ZNF787: variants seen among roughly 807,000 people sequenced by gnomAD.
The protein encoded by ZNF787 is TTF-I-interacting peptide 20.
In ZNF787, 7 loss-of-function variants were observed where a neutral mutation model predicts 16.9. The ratio of observed to expected loss-of-function variants is 0.42; its 90% CI spans 0.24 to 0.78. The LOEUF is 0.78. Among genes scored for constraint, ZNF787 ranks in the 30% least tolerant of loss-of-function variants. The probability of loss-of-function intolerance (pLI) is 0.30; values close to 1 mark genes in which losing one functional copy is unlikely to be tolerated. For synonymous variants in ZNF787, 345 were observed against 270.9 expected, an observed-to-expected ratio of 1.27 and a Z score of -2.69; for missense variants, 551 against 589.3, an observed-to-expected ratio of 0.94 and a Z score of 0.67.
intron 2 of ZNF787, among the ~76,000 whole-genome samples, chr19:56,097,696 G>A (rs905944633): frequency 6.6e-6 from 1 of 152,228 alleles, no homozygotes; most frequent in Non-Finnish European, 1.5e-5. Context: ...CAGGCACGGC[G>A]CGAGGGATCA....
chr19:56,097,585 C>T (rs967857314), intron 2 of ZNF787, among the ~76,000 whole-genome samples: 6 of 152,224 alleles, frequency 3.9e-5, no homozygotes, highest in African/African-American at 7.2e-5. Flanking sequence ...AGGAAACACC[C>T]GCACGTGCTG....
chr19:56,107,008 TGAG>T (rs779970257), intron 1 of ZNF787, among the ~76,000 whole-genome samples: 42 of 152,318 alleles, frequency 2.8e-4, no homozygotes, highest in Non-Finnish European at 5.3e-4. Flanking sequence ...CCTGAGAGTC[TGAG>T]GAGAACTCGG....
rs541711378 is a variant in ZNF787, at chr19:56,088,161, C to T, written c.1011G>A (p.Lys337=). 644 of 1,553,640 alleles carry T rather than the reference C, an allele frequency of 4.1e-4. No individual in the cohort carries two copies. The highest frequency in any genetic ancestry group is 4.3e-4 in the Non-Finnish European group (497 of 1,155,140). The stretch of plus-strand genomic sequence containing the variant: ...CCGAGGGCGCGCCCACCGCGTGGAT[C>T]TTCTTGTGTCTCCGGAGCGCGGCGC... ...VQGAALRRHK[K]IHAVGAPSVC... Residue 337 remains lysine (K), a synonymous_variant, in exon 3 of 3, where the codon AAG becomes AAA. Coordinates refer to ENST00000610935, the MANE Select transcript of ZNF787 (RefSeq NM_001002836.4). The surrounding 1 kb of genome is among the most constrained non-coding windows in gnomAD (Gnocchi z 8.6).
intron 1 of ZNF787, among the ~76,000 whole-genome samples, chr19:56,114,249 T>C (rs770605065): frequency 4.6e-5 from 7 of 152,040 alleles, no homozygotes; most frequent in Non-Finnish European, 8.8e-5. Context: ...GGCTCAGTCC[T>C]GGCCAGGCCC....
intron 2 of ZNF787, among the ~76,000 whole-genome samples, chr19:56,097,528 C>T (rs1985916235): frequency 1.3e-5 from 2 of 152,356 alleles, no homozygotes; most frequent in South Asian, 2.1e-4. Context: ...GGATGGACTG[C>T]GTGGACGGCG....
intron 2 of ZNF787, among the ~76,000 whole-genome samples, chr19:56,099,879 G>A (rs528402372): frequency 4.6e-5 from 7 of 152,056 alleles, no homozygotes; most frequent in South Asian, 4.2e-4. Context: ...CTGGACAGGC[G>A]GCGGATTCTC....
intron 2 of ZNF787, among the ~76,000 whole-genome samples, chr19:56,090,942 A>G (rs1175206858): frequency 6.6e-6 from 1 of 152,226 alleles, no homozygotes; most frequent in Admixed American, 6.5e-5. Context: ...CTCCAGTGTG[A>G]GAATCACTAT....
At chr19:56,110,440 T>C (rs2029948431) in intron 1 of ZNF787, among the ~76,000 whole-genome samples, 1 of 151,862 alleles carries the variant, frequency 6.6e-6, no homozygotes, top group Non-Finnish European at 1.5e-5. Context: ...GTAAACAAAC[T>C]TTTAAAAATT....
rs1426451963 is a variant in ZNF787 at position 56,103,119 on chromosome 19, G to A, written c.79+20C>T. On this transcript the variant is annotated intron_variant, in intron 2 of 2. Transcript: ENST00000610935. ...GGTGGGAGGCAGCGGGGTCGGCTGGGAAGGCCTCTGGCTGCTCACCTGGGT... is the reference window on the plus strand; with the variant it reads ...GGTGGGAGGCAGCGGGGTCGGCTGGAAAGGCCTCTGGCTGCTCACCTGGGT... 3.7e-6 allele frequency: 6 copies of A among 1,612,588 alleles called. No individual in the cohort carries two copies.
At chr19:56,093,865 A>G (rs1035562791) in intron 2 of ZNF787, among the ~76,000 whole-genome samples, 1 of 152,094 alleles carries the variant, frequency 6.6e-6, no homozygotes, top group African/African-American at 2.4e-5. Context: ...TGCTCTTTCA[A>G]TGCGCAGCTT....
chr19:56,107,451 T>TGGGAGAAACGAGGGTCACC (rs1986368340), intron 1 of ZNF787, among the ~76,000 whole-genome samples: 1 of 143,378 alleles, frequency 7.0e-6, no homozygotes, highest in Admixed American at 6.9e-5. Context: ...TAAGGGTCAC[T>TGGGAGAAACGAGGGTCACC]GGGAGAAACG....
intron 1 of ZNF787, among the ~76,000 whole-genome samples, chr19:56,104,491 C>T (rs371807046): frequency 5.6e-4 from 84 of 151,272 alleles, no homozygotes; most frequent in African/African-American, 2.0e-3. Flanking sequence ...CTACGCACGC[C>T]GACCCGTGCC....
intron 2 of ZNF787, among the ~76,000 whole-genome samples, chr19:56,092,691 A>G (rs1985668867): frequency 6.6e-6 from 1 of 152,190 alleles, no homozygotes; most frequent in Non-Finnish European, 1.5e-5. Context: ...CAGAACTGGA[A>G]TATCCCACAG....
At chr19:56,101,348 G>A (rs1986092161) in intron 2 of ZNF787, among the ~76,000 whole-genome samples, 1 of 152,262 alleles carries the variant, frequency 6.6e-6, no homozygotes, top group Admixed American at 6.5e-5. Context: ...ATGCTCCAGA[G>A]GCGGCGCCAA....
chr19:56,096,196 C>T lies in ZNF787; in HGVS notation c.79+6943G>A, dbSNP rs1194998931. ...TTAACTTGAGCTCAGGAAATTGAGA[C>T]CAGCCTGGGAAACATAGTGAGACCC... On this transcript the variant is annotated intron_variant, in intron 2 of 2. Coordinates refer to ENST00000610935, the MANE Select transcript of ZNF787 (RefSeq NM_001002836.4). 6.7e-5 allele frequency among the ~76,000 whole-genome samples: 10 copies of T among 150,190 alleles called. No homozygotes were observed. The Admixed American group carries it at 6.7e-4, about 10-fold the overall frequency.
rs752250917 is a variant in ZNF787, at chr19:56,088,626, G to C, written c.546C>G (p.Arg182=). Residue 182 remains arginine, a synonymous_variant, in exon 3 of 3, where the codon CGC becomes CGG. Coordinates refer to ENST00000610935, the MANE Select transcript of ZNF787 (RefSeq NM_001002836.4). This position sits in a 1 kb window ranked among gnomAD's most constrained non-coding sequence, Gnocchi z 8.6. ...TGGGCTGGCTGAAGCCGCGGCCGCAGCGCGGGCACACGAAGGGCTTGAGGC... is the reference window on the plus strand; with the variant it reads ...TGGGCTGGCTGAAGCCGCGGCCGCACCGCGGGCACACGAAGGGCTTGAGGC... ...HSGLKPFVCP[R]CGRGFSQPKS... 4 of 1,530,480 alleles carry C rather than the reference G, an allele frequency of 2.6e-6. No homozygotes were observed. In the South Asian group the frequency reaches 3.6e-5, roughly 14 times the overall value. The allele number at this position is 1,530,480 out of a possible 1,614,324, so 94.8% of individuals were successfully genotyped here. A position where few individuals can be genotyped will look rare whatever the true frequency, so the allele number is the denominator to read the frequency against.
At chr19:56,120,640 TG>T (rs1173440590) in intron 1 of ZNF787, among the ~76,000 whole-genome samples, 1 of 151,102 alleles carries the variant, frequency 6.6e-6, no homozygotes, top group Non-Finnish European at 1.5e-5. Flanking sequence ...AAGGAAGGGC[TG>T]GGGGGGCCGA....
intron 1 of ZNF787, among the ~76,000 whole-genome samples, chr19:56,109,274 G>A (rs932667257): frequency 2.6e-5 from 4 of 152,154 alleles, no homozygotes; most frequent in South Asian, 4.1e-4. Flanking sequence ...TGAAGGCGAC[G>A]GCACAGAACA....
chr19:56,102,022 A>C (rs1400136655), intron 2 of ZNF787: 1 of 152,194 alleles, frequency 6.6e-6, no homozygotes, highest in South Asian at 2.1e-4. Context: ...CCCCGGGACC[A>C]AGGCTGCCAC....
Sources: gnomAD v4.1 joint callset for allele counts (sites outside exome capture counted in the v4.1 genomes callset) on GRCh38, gnomAD v4.1.1 for gene constraint, Gnocchi (gnomAD v3.1) non-coding constraint, MANE v1.5 for transcripts, NCBI Gene and HGNC (gene_info 2026-07-23, HGNC 2026-07-21) for gene names.